Variants in PRKN observed in about 807,000 individuals in gnomAD.
PRKN encodes the protein parkin RBR E3 ubiquitin protein ligase, also known as E3 ubiquitin-protein ligase parkin.
A neutral mutation model predicts 59.5 loss-of-function variants in PRKN; 56 were observed. That is an observed-to-expected ratio of 0.94 (90% CI 0.76 to 1.18). The LOEUF (loss-of-function observed/expected upper bound fraction) is 1.18, where lower values mean the gene tolerates loss of function less well. Among genes scored for constraint, PRKN ranks in the 50% most tolerant of loss-of-function variants. PRKN has a pLI of 0.00. For synonymous variants in PRKN, 250 were observed against 222.1 expected (o/e 1.13, Z -1.12); for missense variants, 657 against 596.4 (o/e 1.10, Z -1.06).
intron 6 of PRKN, among the ~76,000 whole-genome samples, chr6:161,961,553 C>T (rs930751854): frequency 6.6e-6 from 1 of 152,122 alleles, no homozygotes; most frequent in Non-Finnish European, 1.5e-5. Flanking sequence ...TGTTCTACCA[C>T]GATACAGTGA....
intron 4 of PRKN, among the ~76,000 whole-genome samples, chr6:162,099,509 C>A (rs1382787312): frequency 6.6e-6 from 1 of 152,088 alleles, no homozygotes; most frequent in Non-Finnish European, 1.5e-5. Context: ...TCCCTTCTAA[C>A]GGCTTTAATT....
rs181261459 is a variant in PRKN, at chr6:161,894,556, T to C, written c.734+78746A>G. Among the ~76,000 whole-genome samples, 234 of 152,324 alleles carry C rather than the reference T, an allele frequency of 1.5e-3. 1 individual carries two copies. Among genetic ancestry groups the C allele is most frequent in the East Asian group, 7.0e-3 (36 of 5,168 alleles). On this transcript the variant is annotated intron_variant, in intron 6 of 11. Transcript: ENST00000366898. ...TGCTTTGCTTGGACCTTAATGTATCTTAAATACTTCCTGTTTTCAAATCGT... is the reference window on the plus strand; with the variant it reads ...TGCTTTGCTTGGACCTTAATGTATCCTAAATACTTCCTGTTTTCAAATCGT...
intron 7 of PRKN, among the ~76,000 whole-genome samples, chr6:161,680,771 A>AT (rs1174510072): frequency 2.0e-3 from 36 of 18,048 alleles, no homozygotes; most frequent in East Asian, 6.8e-3. Context: ...ATATATATAT[A>AT]TATATTTTTT....
At chr6:162,621,285 C>T (rs943722192) in intron 1 of PRKN, among the ~76,000 whole-genome samples, 3 of 152,098 alleles carry the variant, frequency 2.0e-5, no homozygotes, top group Non-Finnish European at 4.4e-5. Context: ...AAGTAAGTAG[C>T]GACTTGAAAA....
In PRKN at chr6:161,401,325, A is replaced by G. The variant is rs1787040668; in HGVS notation, c.1084-14448T>C. Among the ~76,000 whole-genome samples, 1 of 152,070 alleles carries G rather than the reference A, an allele frequency of 6.6e-6. No individual in the cohort carries two copies. Among genetic ancestry groups the G allele is most frequent in the Non-Finnish European group, 1.5e-5 (1 of 68,000 alleles). ...CCAAAGAATTAATTTTAAAAGTTAGAGTTGGCCGGGCATGGTGGCTCACAT... is the reference window on the plus strand; with the variant it reads ...CCAAAGAATTAATTTTAAAAGTTAGGGTTGGCCGGGCATGGTGGCTCACAT... On this transcript the variant is annotated intron_variant, in intron 9 of 11. Transcript: ENST00000366898. The surrounding 1 kb of genome is among the most constrained non-coding windows in gnomAD (Gnocchi z 4.4).
chr6:161,836,170 T>G (rs1038065906), intron 6 of PRKN, among the ~76,000 whole-genome samples: 1 of 152,208 alleles, frequency 6.6e-6, no homozygotes, highest in African/African-American at 2.4e-5. Flanking sequence ...ATCTGTGCAT[T>G]TTTCAAGCCT....
rs1224627210 is a variant in PRKN at position 161,356,167 on chromosome 6, C to T, written c.1285+3921G>A. 1.3e-5 allele frequency among the ~76,000 whole-genome samples: 2 copies of T among 152,232 alleles called. No homozygotes were observed. Among genetic ancestry groups the T allele is most frequent in the Non-Finnish European group, 2.9e-5 (2 of 68,034 alleles). On this transcript the variant is annotated intron_variant, in intron 11 of 11. Coordinates refer to ENST00000366898, the MANE Select transcript of PRKN (RefSeq NM_004562.3). The surrounding 1 kb of genome is among the most constrained non-coding windows in gnomAD (Gnocchi z 7.8). ...TTGGCAGAGGTGATTTCCCAGAGGG[C>T]TCAAGGCCATCCACAGGCAGGCCCC...
chr6:162,147,357 A>T (rs1782077038), intron 4 of PRKN, among the ~76,000 whole-genome samples: 1 of 151,178 alleles, frequency 6.6e-6, no homozygotes, highest in African/African-American at 2.4e-5. Context: ...AAAAAAAAAA[A>T]AAAAAAAAAA....
rs1001274103 is a variant in PRKN, at chr6:161,460,431, T to C, written c.1084-73554A>G. On this transcript the variant is annotated intron_variant, in intron 9 of 11. Transcript: ENST00000366898. This position sits in a 1 kb window ranked among gnomAD's most constrained non-coding sequence, Gnocchi z 5.0. ...GGAATATAATGGGCTATACTTGGCATTGGAGTCATTTAGAAGGACACAGGA... is the reference window on the plus strand; with the variant it reads ...GGAATATAATGGGCTATACTTGGCACTGGAGTCATTTAGAAGGACACAGGA... 1.3e-5 allele frequency among the ~76,000 whole-genome samples: 2 copies of C among 152,068 alleles called. No individual in the cohort carries two copies. Among genetic ancestry groups the C allele is most frequent in the East Asian group, 1.9e-4 (1 of 5,182 alleles).
intron 7 of PRKN, among the ~76,000 whole-genome samples, chr6:161,731,801 A>G (rs963757110): frequency 6.6e-6 from 1 of 152,236 alleles, no homozygotes; most frequent in Non-Finnish European, 1.5e-5. Context: ...GCAAGCTACA[A>G]TTAACATGGA....
intron 4 of PRKN, among the ~76,000 whole-genome samples, chr6:162,130,230 TC>T: frequency 6.8e-6 from 1 of 147,778 alleles, no homozygotes; most frequent in South Asian, 2.1e-4. Context: ...ACCTCAGAAA[TC>T]CTTTTTTGTC....
chr6:161,629,280 A>C (rs2128153807), intron 7 of PRKN, among the ~76,000 whole-genome samples: 1 of 152,274 alleles, frequency 6.6e-6, no homozygotes, highest in South Asian at 2.1e-4. Context: ...ATCCAGGAGA[A>C]GTTTAGGGCA....
At chr6:162,243,805 T>C (rs1273434422) in intron 3 of PRKN, among the ~76,000 whole-genome samples, 1 of 152,136 alleles carries the variant, frequency 6.6e-6, no homozygotes, top group Non-Finnish European at 1.5e-5. Flanking sequence ...AAATTAGATA[T>C]TATTCCTTAG....
chr6:161,905,683 G>A lies in PRKN; in HGVS notation c.734+67619C>T, dbSNP rs928523670. 6.6e-5 allele frequency among the ~76,000 whole-genome samples: 10 copies of A among 151,778 alleles called. 1 individual carries two copies. Among genetic ancestry groups the A allele is most frequent in the South Asian group, 4.2e-4 (2 of 4,800 alleles). Reference sequence around the variant, plus strand: ...ATTTTTTTAAAGTACATTTTCGGCCGGGTGTGGTGGCTCACACCTGTAATC... The same window carrying A: ...ATTTTTTTAAAGTACATTTTCGGCCAGGTGTGGTGGCTCACACCTGTAATC... On this transcript the variant is annotated intron_variant, in intron 6 of 11. Transcript: ENST00000366898.
intron 4 of PRKN, among the ~76,000 whole-genome samples, chr6:162,076,192 C>T (rs954840751): frequency 3.3e-4 from 50 of 152,132 alleles, no homozygotes; most frequent in Non-Finnish European, 4.1e-4. Context: ...TGGTCTCGAA[C>T]TCCTGACCTC....
Position 161,413,767 on chromosome 6 carries a change from G to A in PRKN, c.1084-26890C>T, listed in dbSNP as rs1219252909. The stretch of plus-strand genomic sequence containing the variant: ...AAGGATAATGCCACACAAATGAGAT[G>A]TTCCAGCTCCCTAGCTCTGAGGAAG... On this transcript the variant is annotated intron_variant, in intron 9 of 11. Transcript: ENST00000366898. The surrounding 1 kb of genome is among the most constrained non-coding windows in gnomAD (Gnocchi z 4.4). Among the ~76,000 whole-genome samples, 1 of 152,168 alleles carries A rather than the reference G, an allele frequency of 6.6e-6. No homozygotes were observed. The highest frequency in any genetic ancestry group is 2.4e-5 in the African/African-American group (1 of 41,422).
intron 6 of PRKN, among the ~76,000 whole-genome samples, chr6:161,918,936 G>A (rs1204199013): frequency 6.6e-6 from 1 of 152,276 alleles, no homozygotes; most frequent in African/African-American, 2.4e-5. Flanking sequence ...CCTTTTGCTG[G>A]TGGGAATGCA....
intron 2 of PRKN, among the ~76,000 whole-genome samples, chr6:162,429,909 C>T (rs1334704664): frequency 6.6e-6 from 1 of 152,178 alleles, no homozygotes; most frequent in Admixed American, 6.5e-5. Context: ...CCCGGTATCA[C>T]CTTCCTCATT....
intron 3 of PRKN, among the ~76,000 whole-genome samples, chr6:162,207,229 G>A (rs968829460): frequency 4.6e-5 from 7 of 152,038 alleles, no homozygotes; most frequent in Admixed American, 6.6e-5. Flanking sequence ...AAAATTAGCC[G>A]GCTTGGTGGC....
Sources: allele counts gnomAD v4.1 joint callset (sites outside exome capture counted in the v4.1 genomes callset), GRCh38; gene constraint gnomAD v4.1.1; non-coding constraint Gnocchi (gnomAD v3.1); transcripts MANE v1.5; gene names NCBI Gene and HGNC (gene_info 2026-07-23, HGNC 2026-07-21).